The following PTTG1IP variants were observed in gnomAD, a reference collection of about 807,000 sequenced individuals.
The protein encoded by PTTG1IP is pituitary tumor-transforming gene 1 protein-interacting protein.
In PTTG1IP, 16 loss-of-function variants were observed where a neutral mutation model predicts 24.4. The observed-to-expected ratio is 0.66, with a 90% CI of 0.44 to 1.00. PTTG1IP has a LOEUF of 1.00. PTTG1IP is among the 50% of genes least tolerant of loss of function. PTTG1IP has a pLI of 0.00. For synonymous variants in PTTG1IP, 89 were observed against 96.8 expected, an observed-to-expected ratio of 0.92 and a Z score of 0.47; for missense variants, 241 against 245.8, an observed-to-expected ratio of 0.98 and a Z score of 0.13.
At chr21:44,865,697 A>G (rs1212098689) in intron 1 of PTTG1IP, 12 of 586,536 alleles carry the variant, frequency 2.0e-5, no homozygotes, top group Non-Finnish European at 1.2e-5. Context: ...CCTATCCACA[A>G]GGGCTCTTCT....
chr21:44,870,295 C>G lies in PTTG1IP; in HGVS notation c.115+3207G>C, dbSNP rs147545668. Among the ~76,000 whole-genome samples the G allele has an allele frequency of 7.3e-3, 1,109 of 152,192 alleles. 13 individuals carry two copies. The highest frequency in any genetic ancestry group is 0.02 in the African/African-American group (836 of 41,514). ...GTGGCTCACGCCTGTAATCCCAAAA[C>G]TTTGGGAGGCCGAGGTGGGCAGATC... On this transcript the variant is annotated intron_variant, in intron 1 of 5. Transcript: ENST00000330938.
At chr21:44,868,128 C>T (rs951629564) in intron 1 of PTTG1IP, among the ~76,000 whole-genome samples, 1 of 152,178 alleles carries the variant, frequency 6.6e-6, no homozygotes. Flanking sequence ...AGAAAATTGA[C>T]AACCAGTGAA....
intron 1 of PTTG1IP, 144 bp downstream of exon 1, chr21:44,873,358 C>T: frequency 1.2e-6 from 1 of 835,126 alleles, no homozygotes; most frequent in Non-Finnish European, 1.5e-6. Context: ...CCTCGAGGAG[C>T]CTCCGTCGGG....
intron 5 of PTTG1IP, among the ~76,000 whole-genome samples, chr21:44,853,742 G>A (rs1198631706): frequency 6.6e-6 from 1 of 152,212 alleles, no homozygotes; most frequent in Non-Finnish European, 1.5e-5. Context: ...AGGCGACAGA[G>A]AGGGTGGGGC....
Position 44,856,353 on chromosome 21 carries a change from C to T in PTTG1IP, c.289G>A (p.Ala97Thr). ...RWGVCWVNFE[A>T]LIITMSVVGG... is the part of the protein sequence containing the mutation. ...ACTACCGACATGGTGATGATCAGCGCCTCAAAGTTCACTGGAGATTCAAGC... is the reference window on the plus strand; with the variant it reads ...ACTACCGACATGGTGATGATCAGCGTCTCAAAGTTCACTGGAGATTCAAGC... The change falls in exon 4 of 6, where the codon GCG (alanine) becomes ACG (threonine). Residue 97 changes from alanine to threonine, a missense_variant. Physicochemically the swap from Ala to Thr is moderately conservative, Grantham distance 58. Transcript: ENST00000330938. The T allele has an allele frequency of 2.5e-6, 4 of 1,611,826 alleles. No individual in the cohort carries two copies. Among genetic ancestry groups the T allele is most frequent in the Non-Finnish European group, 3.4e-6 (4 of 1,178,422 alleles).
intron 2 of PTTG1IP, among the ~76,000 whole-genome samples, chr21:44,863,446 G>A (rs916341375): frequency 2.6e-5 from 4 of 152,210 alleles, no homozygotes; most frequent in African/African-American, 9.7e-5. Flanking sequence ...TAGGGCAAGC[G>A]GCCCTCTTCA....
At chr21:44,867,433 C>T (rs1398672286) in intron 1 of PTTG1IP, among the ~76,000 whole-genome samples, 2 of 151,428 alleles carry the variant, frequency 1.3e-5, no homozygotes, top group Non-Finnish European at 2.9e-5. Flanking sequence ...TGGGGGACGG[C>T]CATGCGTGGG....
chr21:44,858,605 C>A lies in PTTG1IP; in HGVS notation c.278-2241G>T, dbSNP rs552601347. Among the ~76,000 whole-genome samples the A allele has an allele frequency of 5.3e-5, 8 of 152,334 alleles. No homozygotes were observed. In the South Asian group the frequency reaches 1.5e-3, roughly 28 times the overall value. ...CCCCGAGCCCTGTTCCCCTGCGGGA[C>A]CCTGCGTGGCGTGTGGTGCCCCCTC... On this transcript the variant is annotated intron_variant, in intron 3 of 5. Coordinates refer to ENST00000330938, the MANE Select transcript of PTTG1IP (RefSeq NM_004339.4).
chr21:44,856,392 G>A, intron 3 of PTTG1IP, 28 bp from the exon 4 acceptor site: 1 of 1,591,444 alleles, frequency 6.3e-7, no homozygotes, highest in South Asian at 1.2e-5. Context: ...TGGAGTTAGG[G>A]CCGCCCCAGA....
At chr21:44,861,302 G>C (rs777140471) in intron 2 of PTTG1IP, 31 bp from the exon 3 acceptor site, 8 of 1,570,208 alleles carry the variant, frequency 5.1e-6, no homozygotes, top group South Asian at 1.1e-5. Flanking sequence ...GCAAGCATTA[G>C]AAACAACAGA....
chr21:44,851,682 C>A lies in PTTG1IP; in HGVS notation c.497-55G>T, dbSNP rs532299844. On this transcript the variant is annotated intron_variant, in intron 5 of 5. Transcript: ENST00000330938. ...TCATTCATTCAACCAGAAACAAAAT[C>A]TTAGAAAGCCATACAAACCAAGCTT... The A allele has an allele frequency of 3.9e-6, 6 of 1,521,392 alleles. No homozygotes were observed. The African/African-American group carries it at 6.9e-5, about 18-fold the overall frequency. 94.2% of individuals were successfully genotyped at this position (1,521,392 alleles called of 1,614,324 possible).
chr21:44,868,973 C>T (rs765676832), intron 1 of PTTG1IP, among the ~76,000 whole-genome samples: 34 of 152,246 alleles, frequency 2.2e-4, no homozygotes, highest in Admixed American at 5.9e-4. Context: ...CCCAGAACAA[C>T]ATGATGATGG....
chr21:44,860,429 C>T (rs1008604668), intron 3 of PTTG1IP, among the ~76,000 whole-genome samples: 11 of 150,438 alleles, frequency 7.3e-5, no homozygotes, highest in African/African-American at 2.2e-4. Context: ...AATTTAAAAA[C>T]GCCTCCAAAA....
chr21:44,863,024 A>G (rs2083504227), intron 2 of PTTG1IP, among the ~76,000 whole-genome samples: 1 of 152,106 alleles, frequency 6.6e-6, no homozygotes, highest in Non-Finnish European at 1.5e-5. Context: ...CGATGAAGTA[A>G]TATGCACATA....
At chr21:44,854,679 T>C (rs2083435613) in intron 5 of PTTG1IP, among the ~76,000 whole-genome samples, 1 of 152,160 alleles carries the variant, frequency 6.6e-6, no homozygotes, top group African/African-American at 2.4e-5. Context: ...ACTTGGCAAA[T>C]ACATTCATTC....
chr21:44,868,927 G>A (rs1024929497), intron 1 of PTTG1IP, among the ~76,000 whole-genome samples: 3 of 152,200 alleles, frequency 2.0e-5, no homozygotes, highest in Non-Finnish European at 4.4e-5. Flanking sequence ...TGGAGAGGAG[G>A]TGGCACTTCC....
intron 3 of PTTG1IP, among the ~76,000 whole-genome samples, chr21:44,857,596 T>C (rs1272994031): frequency 6.6e-6 from 1 of 152,242 alleles, no homozygotes; most frequent in Non-Finnish European, 1.5e-5. Context: ...AGTTAATAGC[T>C]GTGCCACCAC....
chr21:44,867,614 G>A (rs114931058), intron 1 of PTTG1IP, among the ~76,000 whole-genome samples: 5,044 of 152,354 alleles, frequency 0.033, 294 homozygotes, highest in African/African-American at 0.11. Flanking sequence ...GTGAAGGCAG[G>A]AGAGCACGCT....
At chr21:44,867,551 A>G (rs2083552064) in intron 1 of PTTG1IP, among the ~76,000 whole-genome samples, 1 of 152,230 alleles carries the variant, frequency 6.6e-6, no homozygotes, top group Non-Finnish European at 1.5e-5. Context: ...AGAAAAATGT[A>G]TCTCAAAAGA....
Sources: gnomAD v4.1 joint callset for allele counts (sites outside exome capture counted in the v4.1 genomes callset) on GRCh38, gnomAD v4.1.1 for gene constraint, MANE v1.5 for transcripts, NCBI Gene and HGNC (gene_info 2026-07-23, HGNC 2026-07-21) for gene names.